The following SEC31A variants were observed in gnomAD, a reference collection of about 807,000 sequenced individuals.
SEC31A encodes the protein protein transport protein Sec31A.
In SEC31A, 70 loss-of-function variants were observed where a neutral mutation model predicts 151.0. The observed-to-expected ratio is 0.46, with a 90% CI of 0.38 to 0.57. SEC31A has a LOEUF of 0.57. Ranked by LOEUF, SEC31A falls within the 20% of genes least tolerant of loss-of-function variation. SEC31A has a pLI of 0.00. For missense variants in SEC31A, 1,330 were observed against 1,471.2 expected, an observed-to-expected ratio of 0.90 and a Z score of 1.57; for synonymous variants, 475 against 505.9, an observed-to-expected ratio of 0.94 and a Z score of 0.82.
chr4:82,845,163 G>T, intron 20 of SEC31A: 1 of 1,337,976 alleles, frequency 7.5e-7, no homozygotes, highest in South Asian at 1.2e-5. Flanking sequence ...ATTTAGGTGA[G>T]CAGAATTCTG....
intron 2 of SEC31A, chr4:82,899,893 C>T (rs1720238593): frequency 6.6e-6 from 1 of 152,622 alleles, no homozygotes; most frequent in Non-Finnish European, 1.5e-5. Context: ...CAAAAACCCA[C>T]TGGCCCGTTT....
At chr4:82,825,201 A>G (rs1260512068) in intron 24 of SEC31A, among the ~76,000 whole-genome samples, 1 of 152,264 alleles carries the variant, frequency 6.6e-6, no homozygotes, top group African/African-American at 2.4e-5. Flanking sequence ...GAAAGAACAA[A>G]GAAGAAATGT....
intron 22 of SEC31A, among the ~76,000 whole-genome samples, chr4:82,830,635 T>C (rs1047115646): frequency 3.2e-4 from 48 of 152,240 alleles, no homozygotes; most frequent in African/African-American, 1.1e-3. Flanking sequence ...CATAGATTAA[T>C]CATTCAAATC....
At chr4:82,899,475 A>C (rs1186157851) in intron 3 of SEC31A, 1 of 152,240 alleles carries the variant, frequency 6.6e-6, no homozygotes, top group Non-Finnish European at 1.5e-5. Flanking sequence ...GAGCAGGAAA[A>C]GGCTCTAACA....
chr4:82,870,558 C>T (rs1191746120), intron 7 of SEC31A, 134 bp from the exon 8 acceptor site: 6 of 683,778 alleles, frequency 8.8e-6, no homozygotes, highest in South Asian at 3.7e-5. Context: ...CAGCGCCGGG[C>T]GCATTGGCTC....
At chr4:82,898,404 G>A (rs1720153783) in intron 3 of SEC31A, among the ~76,000 whole-genome samples, 2 of 152,224 alleles carry the variant, frequency 1.3e-5, no homozygotes, top group Non-Finnish European at 2.9e-5. Flanking sequence ...CTATGCAGAA[G>A]TAAATATCTA....
rs752987985 is a variant in SEC31A, at chr4:82,891,134, G to A, written c.-51C>T. 12 of 1,535,820 alleles carry A rather than the reference G, an allele frequency of 7.8e-6. No individual in the cohort carries two copies. Among genetic ancestry groups the A allele is most frequent in the South Asian group, 2.4e-5 (2 of 84,060 alleles). On this transcript the variant is annotated 5_prime_UTR_variant, in exon 1 of 27. The change creates a new upstream start codon in the 5' untranslated region. Coordinates refer to ENST00000395310, the MANE Select transcript of SEC31A (RefSeq NM_001077207.4). ...CGGATCCTGCGTTAGTGCAGCGCTCGTCGGACTCTCCCAGCATTCGCCGCC... is the reference window on the plus strand; with the variant it reads ...CGGATCCTGCGTTAGTGCAGCGCTCATCGGACTCTCCCAGCATTCGCCGCC...
At chr4:82,853,782 C>A in intron 17 of SEC31A, 67 bp from the exon 18 acceptor site, 1 of 1,285,600 alleles carries the variant, frequency 7.8e-7, no homozygotes, top group Non-Finnish European at 1.1e-6. Context: ...CTGTGAGCAG[C>A]TAAATAATAT....
chr4:82,873,203 C>A (rs540373056), intron 6 of SEC31A, among the ~76,000 whole-genome samples: 191 of 151,858 alleles, frequency 1.3e-3, no homozygotes, highest in South Asian at 3.5e-3. Context: ...ACTAAAAATA[C>A]AAAAATTCGC....
chr4:82,888,992 T>C (rs1277509449), intron 1 of SEC31A, among the ~76,000 whole-genome samples: 2 of 152,250 alleles, frequency 1.3e-5, no homozygotes, highest in South Asian at 2.1e-4. Flanking sequence ...ATACAATCCC[T>C]AGTTGGCACT....
chr4:82,897,166 G>A (rs1425040060), intron 3 of SEC31A, among the ~76,000 whole-genome samples: 1 of 152,164 alleles, frequency 6.6e-6, no homozygotes, highest in African/African-American at 2.4e-5. Flanking sequence ...GAAACCACTT[G>A]TCTAATAACA....
intron 22 of SEC31A, 43 bp from the exon 23 acceptor site, chr4:82,829,101 A>G (rs779625402): frequency 6.6e-7 from 1 of 1,517,302 alleles, no homozygotes; most frequent in South Asian, 1.1e-5. Flanking sequence ...GAATCCTGAA[A>G]GGAAAAAAAA....
chr4:82,861,679 C>G lies in SEC31A; in HGVS notation c.1578G>C (p.Gln526His), dbSNP rs139454499. 7 of 1,611,658 alleles carry G rather than the reference C, an allele frequency of 4.3e-6. No individual in the cohort carries two copies. Among genetic ancestry groups the G allele is most frequent in the Non-Finnish European group, 5.1e-6 (6 of 1,178,404 alleles). The change falls in exon 14 of 27, where the codon CAG (glutamine) becomes CAC (histidine). Residue 526 changes from glutamine to histidine, a missense_variant. Coordinates refer to ENST00000395310, the MANE Select transcript of SEC31A (RefSeq NM_001077207.4). ...CAGCAGGGCTCTCCTCCCCATCACT[C>G]TGTGCTACTTGGTCAGAGTCTTTAA... ...VALKDSDQVA[Q>H]SDGEESPAAE...
chr4:82,885,410 AAT>A (rs1297508608), intron 1 of SEC31A, among the ~76,000 whole-genome samples: 5 of 152,242 alleles, frequency 3.3e-5, no homozygotes, highest in African/African-American at 9.6e-5. Context: ...TTTTCATTAT[AAT>A]ATGTGTTTCT....
chr4:82,836,372 C>CAAAA (rs70943158), intron 22 of SEC31A, among the ~76,000 whole-genome samples: 74 of 62,064 alleles, frequency 1.2e-3, no homozygotes, highest in Non-Finnish European at 1.9e-3. Context: ...GACTCCATCT[C>CAAAA]AAAAAAAAAA....
At chr4:82,864,954 T>G (rs1320576262) in intron 10 of SEC31A, among the ~76,000 whole-genome samples, 2 of 151,976 alleles carry the variant, frequency 1.3e-5, no homozygotes, top group African/African-American at 4.8e-5. Context: ...TTTTGTATGT[T>G]TAGTAGACAG....
At chr4:82,864,633 C>T (rs1380819780) in intron 10 of SEC31A, 35 bp from the exon 11 acceptor site, 1 of 1,589,214 alleles carries the variant, frequency 6.3e-7, no homozygotes. Flanking sequence ...TCAGTGTTAA[C>T]CCAAGGATAT....
chr4:82,884,962 T>G (rs1460938907), intron 1 of SEC31A, among the ~76,000 whole-genome samples: 1 of 152,242 alleles, frequency 6.6e-6, no homozygotes, highest in Non-Finnish European at 1.5e-5. Context: ...CTCCTGAAAC[T>G]TTTGCTTTAT....
chr4:82,844,280 T>C (rs1729575556), intron 21 of SEC31A, 106 bp downstream of exon 21: 1 of 1,232,752 alleles, frequency 8.1e-7, no homozygotes, highest in Non-Finnish European at 1.1e-6. Context: ...CTATGCACAA[T>C]GGTTCTTACT....
Sources: allele counts gnomAD v4.1 joint callset (sites outside exome capture counted in the v4.1 genomes callset), GRCh38; gene constraint gnomAD v4.1.1; transcripts MANE v1.5; gene names NCBI Gene and HGNC (gene_info 2026-07-23, HGNC 2026-07-21).